CEP164: variants seen among roughly 807,000 people sequenced by gnomAD.
CEP164 encodes the protein centrosomal protein 164, also known as centrosomal protein of 164 kDa.
In CEP164, 162 loss-of-function variants were observed where a neutral mutation model predicts 182.7. That is an observed-to-expected ratio of 0.89 (90% confidence interval 0.78 to 1.01). The LOEUF is 1.01. Ranked by LOEUF, CEP164 falls within the 50% of genes least tolerant of loss-of-function variation. The pLI, the probability that CEP164 is intolerant of heterozygous loss-of-function variation, is 0.00. For missense variants in CEP164, 1,735 were observed against 1,790.4 expected (o/e 0.97, Z 0.56); for synonymous variants, 661 against 690.0 (o/e 0.96, Z 0.66).
intron 27 of CEP164, among the ~76,000 whole-genome samples, chr11:117,407,084 G>A (rs536990264): frequency 2.6e-5 from 4 of 152,192 alleles, no homozygotes; most frequent in East Asian, 3.9e-4. Flanking sequence ...GTGACAGAGC[G>A]AGACTCTATT....
intron 9 of CEP164, among the ~76,000 whole-genome samples, chr11:117,372,766 G>A (rs1220763814): frequency 1.3e-5 from 2 of 152,192 alleles, no homozygotes; most frequent in East Asian, 1.9e-4. Context: ...GGTTGCAGCA[G>A]TCTGAGTTTC....
intron 10 of CEP164, among the ~76,000 whole-genome samples, chr11:117,374,823 C>T (rs1445360892): frequency 1.3e-5 from 2 of 152,204 alleles, no homozygotes; most frequent in African/African-American, 4.8e-5. Flanking sequence ...CTGTGGACAG[C>T]AGGACCAGAC....
intron 15 of CEP164, 140 bp from the exon 16 acceptor site, chr11:117,390,636 CA>C: frequency 8.6e-7 from 1 of 1,158,264 alleles, no homozygotes. Context: ...AACCTGTCTC[CA>C]AAAAGAAAAA....
chr11:117,332,409 C>T (rs1445964875), intron 1 of CEP164, among the ~76,000 whole-genome samples: 1 of 151,980 alleles, frequency 6.6e-6, no homozygotes, highest in Admixed American at 6.6e-5. Flanking sequence ...ACTGCATCTC[C>T]ACTAAAAAAA....
chr11:117,371,474 A>T lies in CEP164; in HGVS notation c.1152+8A>T, dbSNP rs1277594291. Reference sequence around the variant, plus strand: ...AGTTCAGACGCCAGCCAAGTAAGTCACTGTATCCCATAGGCAGGGGTTGGC... The same window carrying T: ...AGTTCAGACGCCAGCCAAGTAAGTCTCTGTATCCCATAGGCAGGGGTTGGC... On this transcript the variant is annotated splice_region_variant and intron_variant, in intron 9 of 32. Transcript: ENST00000278935. The T allele has an allele frequency of 1.9e-6, 3 of 1,601,220 alleles. No individual in the cohort carries two copies. The African/African-American group carries it at 4.0e-5, about 22-fold the overall frequency.
intron 5 of CEP164, among the ~76,000 whole-genome samples, chr11:117,358,190 A>T (rs528615251): frequency 6.6e-6 from 1 of 152,320 alleles, no homozygotes; most frequent in South Asian, 2.1e-4. Context: ...CAGTAAGTCT[A>T]TCTGCTCTGA....
intron 12 of CEP164, 92 bp from the exon 13 acceptor site, chr11:117,381,609 A>G (rs528728012): frequency 1.4e-6 from 2 of 1,401,928 alleles, no homozygotes; most frequent in East Asian, 5.3e-5. Context: ...AGGAGGAGGC[A>G]ATGACCTAGG....
intron 27 of CEP164, among the ~76,000 whole-genome samples, chr11:117,398,677 G>C (rs576433000): frequency 3.9e-5 from 6 of 152,352 alleles, no homozygotes; most frequent in Admixed American, 3.3e-4. Context: ...CAAGGTATGG[G>C]GCTTGCATCC....
chr11:117,366,128 C>G (rs1327961487), intron 8 of CEP164, among the ~76,000 whole-genome samples: 2 of 151,716 alleles, frequency 1.3e-5, no homozygotes, highest in Non-Finnish European at 2.9e-5. Flanking sequence ...GGAATCAGGG[C>G]TTTTCCTGTT....
chr11:117,380,751 G>T, intron 12 of CEP164, 46 bp downstream of exon 12: 1 of 1,532,574 alleles, frequency 6.5e-7, no homozygotes, highest in Non-Finnish European at 8.9e-7. Flanking sequence ...CTTCAGGGTG[G>T]TGTGGACTTG....
Position 117,390,757 on chromosome 11 carries a change from GCCTTT to G in CEP164, c.1935-12_1935-8del. The G allele has an allele frequency of 6.2e-7, 1 of 1,613,780 alleles. No individual in the cohort carries two copies. Among genetic ancestry groups the G allele is most frequent in the South Asian group, 1.1e-5 (1 of 91,054 alleles). ...CCTTTGTGGTTTCTCTGACAACCTA[GCCTTT>G]CCTTTCCATCTCAGTTCCTTGAGGG... On this transcript the variant is annotated splice_polypyrimidine_tract_variant and intron_variant, in intron 15 of 32. Transcript: ENST00000278935.
intron 4 of CEP164, among the ~76,000 whole-genome samples, chr11:117,347,724 A>G (rs1676761777): frequency 6.6e-6 from 1 of 151,976 alleles, no homozygotes; most frequent in African/African-American, 2.4e-5. Context: ...AAAAAAAAAA[A>G]GAATAGCTTG....
upstream of CEP164, among the ~76,000 whole-genome samples, chr11:117,326,185 C>A (rs2168673): frequency 0.091 from 13,473 of 148,742 alleles, 714 homozygotes; most frequent in South Asian, 0.21. Flanking sequence ...TTCTGGGATT[C>A]CAGGCATGAG....
intron 4 of CEP164, among the ~76,000 whole-genome samples, chr11:117,350,294 C>T (rs2135412161): frequency 6.6e-6 from 1 of 152,200 alleles, no homozygotes; most frequent in East Asian, 1.9e-4. Flanking sequence ...CCTTGAACTC[C>T]TGGGCTCAAA....
chr11:117,406,551 A>ACTTTCAAAC (rs2136817599), intron 27 of CEP164, among the ~76,000 whole-genome samples: 1 of 152,366 alleles, frequency 6.6e-6, no homozygotes, highest in Admixed American at 6.5e-5. Context: ...AATGTTTAGT[A>ACTTTCAAAC]CTTTCAAACC....
At chr11:117,373,876 AT>A (rs762442731) in intron 10 of CEP164, 45 bp downstream of exon 10, 2 of 1,540,162 alleles carry the variant, frequency 1.3e-6, no homozygotes, top group Non-Finnish European at 1.8e-6. Flanking sequence ...AAGAGCATAG[AT>A]TTGTGAGCCT....
chr11:117,362,259 T>C, intron 6 of CEP164, 145 bp from the exon 7 acceptor site: 3 of 882,180 alleles, frequency 3.4e-6, no homozygotes, highest in South Asian at 3.7e-5. Context: ...GTCATTGATG[T>C]GAGCTGCAGT....
intron 9 of CEP164, among the ~76,000 whole-genome samples, chr11:117,372,210 C>T (rs1176430112): frequency 1.3e-5 from 2 of 150,448 alleles, no homozygotes; most frequent in Admixed American, 6.6e-5. Context: ...CAGGTTCAAG[C>T]GATTCTCGTG....
In CEP164 at chr11:117,351,942, A is replaced by C. The variant is rs867484690; in HGVS notation, c.347A>C (p.Lys116Thr). The C allele has an allele frequency of 1.2e-6, 2 of 1,609,690 alleles. No homozygotes were observed. Among genetic ancestry groups the C allele is most frequent in the Non-Finnish European group, 1.7e-6 (2 of 1,178,168 alleles). ...SGAIKKKKKK[K>T]EKKDKKDRDP... ...GCCATTAAGAAGAAGAAAAAAAAAA[A>C]GGAAAAGAAAGACAAGAAGGACAGA... Residue 116 changes from lysine (K) to threonine (T), a missense_variant, in exon 5 of 33, where the codon AAG becomes ACG. Transcript: ENST00000278935.
Sources: gnomAD v4.1 joint callset for allele counts (sites outside exome capture counted in the v4.1 genomes callset) on GRCh38, gnomAD v4.1.1 for gene constraint, MANE v1.5 for transcripts, NCBI Gene and HGNC (gene_info 2026-07-23, HGNC 2026-07-21) for gene names.